The following CTNNA2 variants were observed in gnomAD, a reference collection of about 807,000 sequenced individuals.
CTNNA2 encodes the protein catenin alpha 2.
Under a neutral mutation model 101.0 loss-of-function variants are expected in CTNNA2, and 42 were observed. The ratio of observed to expected loss-of-function variants is 0.42; its 90% CI spans 0.32 to 0.54. CTNNA2 has a LOEUF of 0.54. Among genes scored for constraint, CTNNA2 ranks in the 20% least tolerant of loss-of-function variants. CTNNA2 has a pLI of 0.14. For synonymous variants in CTNNA2, 450 were observed against 456.4 expected (o/e 0.99, Z 0.18); for missense variants, 871 against 1,223.1 (o/e 0.71, Z 4.29).
intron 7 of CTNNA2, among the ~76,000 whole-genome samples, chr2:80,245,457 C>T (rs1388722996): frequency 6.6e-6 from 1 of 152,206 alleles, no homozygotes; most frequent in Non-Finnish European, 1.5e-5. Flanking sequence ...ATTTAGATCA[C>T]ATTCACAACG....
intron 1 of CTNNA2, among the ~76,000 whole-genome samples, chr2:79,544,170 T>C (rs892886302): frequency 1.3e-5 from 2 of 152,230 alleles, no homozygotes; most frequent in Admixed American, 6.5e-5. Context: ...ACTCTGGACC[T>C]CAAGTGATCC....
intron 7 of CTNNA2, among the ~76,000 whole-genome samples, chr2:80,262,739 A>C (rs907628296): frequency 1.3e-5 from 2 of 152,166 alleles, no homozygotes; most frequent in Non-Finnish European, 1.5e-5. Flanking sequence ...AATTAACAAC[A>C]TAGAAATATC....
At chr2:80,278,423 G>T (rs1286704401) in intron 7 of CTNNA2, among the ~76,000 whole-genome samples, 1 of 152,146 alleles carries the variant, frequency 6.6e-6, no homozygotes, top group African/African-American at 2.4e-5. Flanking sequence ...ACTGGTGGTT[G>T]AAGTTCTCAC....
chr2:79,813,974 G>T (rs1446395457), intron 3 of CTNNA2, among the ~76,000 whole-genome samples: 1 of 152,054 alleles, frequency 6.6e-6, no homozygotes, highest in East Asian at 1.9e-4. Context: ...GCTCCTTGTG[G>T]TGGCTGTCAA....
intron 4 of CTNNA2, among the ~76,000 whole-genome samples, chr2:79,492,338 A>AT (rs1377344424): frequency 6.6e-6 from 1 of 151,892 alleles, no homozygotes; most frequent in Non-Finnish European, 1.5e-5. Flanking sequence ...CATTCACTGT[A>AT]TTCATAAAGT....
chr2:80,598,144 A>G (rs1697149143), intron 15 of CTNNA2, among the ~76,000 whole-genome samples: 1 of 152,212 alleles, frequency 6.6e-6, no homozygotes, highest in Admixed American at 6.5e-5. Flanking sequence ...GAATGAGATC[A>G]TATTAATTGC....
At chr2:79,705,000 C>T (rs918355956) in intron 2 of CTNNA2, among the ~76,000 whole-genome samples, 2 of 152,132 alleles carry the variant, frequency 1.3e-5, no homozygotes, top group Non-Finnish European at 2.9e-5. Flanking sequence ...AGAATCTCCT[C>T]GCCACCACTG....
chr2:80,594,896 A>G (rs554988375), intron 15 of CTNNA2, among the ~76,000 whole-genome samples: 1 of 152,138 alleles, frequency 6.6e-6, no homozygotes, highest in Admixed American at 6.5e-5. Flanking sequence ...GTATGCCAGT[A>G]TGACACTATT....
chr2:80,041,442 G>A (rs540975838), intron 7 of CTNNA2, among the ~76,000 whole-genome samples: 21 of 152,210 alleles, frequency 1.4e-4, no homozygotes, highest in African/African-American at 5.1e-4. Context: ...GTTAGACTGG[G>A]ATGGGGGGTA....
intron 1 of CTNNA2, among the ~76,000 whole-genome samples, chr2:79,624,992 AGTAG>A (rs1206135719): frequency 1.3e-5 from 2 of 152,206 alleles, no homozygotes; most frequent in Non-Finnish European, 2.9e-5. Context: ...TTGAGAGCAT[AGTAG>A]GAGTCTCCAT....
At chr2:80,535,653 G>T (rs771855288) in intron 9 of CTNNA2, among the ~76,000 whole-genome samples, 5 of 152,006 alleles carry the variant, frequency 3.3e-5, no homozygotes, top group Non-Finnish European at 7.4e-5. Context: ...GCCTTATAGA[G>T]GTCATTTAAA....
intron 2 of CTNNA2, among the ~76,000 whole-genome samples, chr2:79,674,927 A>T (rs1473268976): frequency 1.3e-5 from 2 of 152,186 alleles, no homozygotes; most frequent in Non-Finnish European, 2.9e-5. Flanking sequence ...TATCAATTGC[A>T]TTTTGCTTAT....
intron 4 of CTNNA2, among the ~76,000 whole-genome samples, chr2:79,496,819 A>C (rs918037139): frequency 2.6e-5 from 4 of 151,966 alleles, no homozygotes; most frequent in African/African-American, 9.7e-5. Context: ...AAAATAAAAA[A>C]ATATTAAACT....
chr2:79,252,466 G>T (rs940913738), intron 2 of CTNNA2, among the ~76,000 whole-genome samples: 4 of 151,954 alleles, frequency 2.6e-5, no homozygotes, highest in Admixed American at 6.6e-5. Flanking sequence ...TATTAAAATT[G>T]TTGATATAAC....
At chr2:80,108,105 C>G (rs544006498) in intron 7 of CTNNA2, among the ~76,000 whole-genome samples, 1 of 152,236 alleles carries the variant, frequency 6.6e-6, no homozygotes, top group East Asian at 1.9e-4. Flanking sequence ...TTACTCTTCC[C>G]AGAGAGTTTT....
intron 2 of CTNNA2, among the ~76,000 whole-genome samples, chr2:79,235,279 G>T (rs1368758289): frequency 6.6e-6 from 1 of 152,102 alleles, no homozygotes; most frequent in Admixed American, 6.6e-5. Flanking sequence ...GTTTTCCCAG[G>T]CACTGTATAC....
Position 80,648,012 on chromosome 2 carries a change from A to G in CTNNA2, c.*140A>G, listed in dbSNP as rs921645795. 1 of 759,644 alleles carries G rather than the reference A, an allele frequency of 1.3e-6. No homozygotes were observed. Among genetic ancestry groups the G allele is most frequent in the Admixed American group, 3.0e-5 (1 of 33,822 alleles). The allele number at this position is 759,644 out of a possible 1,614,324, so 47.1% of individuals were successfully genotyped here. A position where few individuals can be genotyped will look rare whatever the true frequency, so the allele number is the denominator to read the frequency against. ...AAGGGAACAGTGTCTGTTTGCATGT[A>G]AGATGAGATGAGATCAATACTACTG... On this transcript the variant is annotated 3_prime_UTR_variant, in exon 19 of 19. Transcript: ENST00000402739.
chr2:80,487,353 CT>C (rs1686677427), intron 9 of CTNNA2, among the ~76,000 whole-genome samples: 1 of 151,408 alleles, frequency 6.6e-6, no homozygotes, highest in Non-Finnish European at 1.5e-5. Flanking sequence ...CATTCTCATG[CT>C]GCTATAAAGA....
intron 7 of CTNNA2, among the ~76,000 whole-genome samples, chr2:80,123,425 C>G (rs1459168838): frequency 6.9e-6 from 1 of 144,694 alleles, no homozygotes; most frequent in Non-Finnish European, 1.5e-5. Context: ...GGATGGAGAA[C>G]ATTTGAATTG....
Sources: gnomAD v4.1 joint callset for allele counts (sites outside exome capture counted in the v4.1 genomes callset) on GRCh38, gnomAD v4.1.1 for gene constraint, MANE v1.5 for transcripts, NCBI Gene and HGNC (gene_info 2026-07-23, HGNC 2026-07-21) for gene names.